The following IPO7 variants were observed in gnomAD, a reference collection of about 807,000 sequenced individuals.
IPO7 encodes the protein importin-7.
In IPO7, 13 loss-of-function variants were observed where a neutral mutation model predicts 136.4. That is an observed-to-expected ratio of 0.10 (90% CI 0.06 to 0.15). The LOEUF is 0.15. Ranked by LOEUF, IPO7 falls within the 10% of genes least tolerant of loss-of-function variation. The probability of loss-of-function intolerance (pLI) is 1.00; values close to 1 mark genes in which losing one functional copy is unlikely to be tolerated. For synonymous variants in IPO7, 403 were observed against 404.4 expected (o/e 1.00, Z 0.04); for missense variants, 857 against 1,240.6 (o/e 0.69, Z 4.65).
intron 3 of IPO7, among the ~76,000 whole-genome samples, chr11:9,409,087 T>TG (rs1854931243): frequency 6.6e-6 from 1 of 151,194 alleles, no homozygotes; most frequent in South Asian, 2.1e-4. Flanking sequence ...ACCCAACAGA[T>TG]GCTGTTGTAG....
At chr11:9,405,936 C>T (rs144938009) in intron 2 of IPO7, among the ~76,000 whole-genome samples, 24 of 151,468 alleles carry the variant, frequency 1.6e-4, no homozygotes, top group East Asian at 1.2e-3. Context: ...TTGCCCAGGC[C>T]GGGGTGCAGT....
chr11:9,447,405 T>C lies in IPO7; in HGVS notation c.*2211T>C, dbSNP rs958353521. 1.3e-5 allele frequency: 2 copies of C among 152,200 alleles called. No individual in the cohort carries two copies. Among genetic ancestry groups the C allele is most frequent in the Admixed American group, 1.3e-4 (2 of 15,276 alleles). 9.4% of individuals were successfully genotyped at this position (152,200 alleles called of 1,614,324 possible). ...AGACCTTATAATTAAACTATTTAAA[T>C]AGTGTTCAAATGATAGTTTCTAATG... is the stretch of plus-strand genomic sequence containing the variant. On this transcript the variant is annotated 3_prime_UTR_variant, in exon 25 of 25. Transcript: ENST00000379719.
At chr11:9,401,142 T>C (rs866082052) in intron 1 of IPO7, among the ~76,000 whole-genome samples, 1 of 151,220 alleles carries the variant, frequency 6.6e-6, no homozygotes, top group African/African-American at 2.4e-5. Flanking sequence ...GATTGCACCA[T>C]TGCACTCCAG....
At chr11:9,444,121 C>A (rs1855495300) in intron 24 of IPO7, among the ~76,000 whole-genome samples, 1 of 150,828 alleles carries the variant, frequency 6.6e-6, no homozygotes, top group African/African-American at 2.4e-5. Flanking sequence ...TACTAAAAAA[C>A]ACAAAAATTA....
At chr11:9,433,478 T>C in intron 16 of IPO7, 92 bp from the exon 17 acceptor site, 4 of 792,048 alleles carry the variant, frequency 5.1e-6, no homozygotes, top group South Asian at 4.7e-5. Context: ...ATATTGACTT[T>C]ATATTTAAGT....
rs1288731763 is a variant in IPO7, at chr11:9,428,590, C to G, written c.1386C>G (p.Phe462Leu). The G allele has an allele frequency of 1.9e-6, 3 of 1,581,100 alleles. No homozygotes were observed. In the Admixed American group the frequency reaches 5.2e-5, roughly 27 times the overall value. Residue 462 changes from phenylalanine to leucine, a missense_variant, in exon 13 of 25, where the codon TTC becomes TTG. Transcript: ENST00000379719. ...AATACATGTTGCAGAATCATGTATTCCCTCTCTTCAGCAGTGAACTAGGCT... is the reference window on the plus strand; with the variant it reads ...AATACATGTTGCAGAATCATGTATTGCCTCTCTTCAGCAGTGAACTAGGCT... ...QMEYMLQNHV[F>L]PLFSSELGYM... is the part of the protein sequence containing the mutation.
chr11:9,437,561 A>G (rs1354937058), intron 20 of IPO7, among the ~76,000 whole-genome samples, 193 bp from the exon 21 acceptor site: 1 of 152,162 alleles, frequency 6.6e-6, no homozygotes, highest in Non-Finnish European at 1.5e-5. Context: ...GCCCGTCGTG[A>G]GCTTTTAATA....
At chr11:9,442,772 C>T (rs996301804) in intron 24 of IPO7, among the ~76,000 whole-genome samples, 6 of 151,506 alleles carry the variant, frequency 4.0e-5, no homozygotes, top group African/African-American at 1.5e-4. Context: ...CCTGTAATTC[C>T]AGCACTTTGG....
chr11:9,390,347 A>G (rs533466821), intron 1 of IPO7, among the ~76,000 whole-genome samples: 1 of 152,068 alleles, frequency 6.6e-6, no homozygotes, highest in African/African-American at 2.4e-5. Context: ...GATTGTCACA[A>G]AAGGTTAACT....
chr11:9,416,680 A>T (rs1855046385), intron 5 of IPO7, among the ~76,000 whole-genome samples: 1 of 152,222 alleles, frequency 6.6e-6, no homozygotes, highest in South Asian at 2.1e-4. Context: ...GTTAAAATAG[A>T]GACCTGTAAA....
Position 9,403,148 on chromosome 11 carries a change from G to A in IPO7, c.85-142G>A, listed in dbSNP as rs1014405108. 3.3e-5 allele frequency: 22 copies of A among 669,696 alleles called. No individual in the cohort carries two copies. The Admixed American group carries it at 6.1e-4, about 18-fold the overall frequency. 41.5% of individuals were successfully genotyped at this position (669,696 alleles called of 1,614,324 possible). On this transcript the variant is annotated intron_variant, in intron 1 of 24. Coordinates refer to ENST00000379719, the MANE Select transcript of IPO7 (RefSeq NM_006391.3). ...ATTCCTTAAAGTTCAATATAAGGGAGTGATGAGAAATAAGACTGGAACCAG... is the reference window on the plus strand; with the variant it reads ...ATTCCTTAAAGTTCAATATAAGGGAATGATGAGAAATAAGACTGGAACCAG...
Position 9,414,482 on chromosome 11 carries a change from G to T in IPO7, c.636+71G>T. On this transcript the variant is annotated intron_variant, in intron 5 of 24. Transcript: ENST00000379719. ...ATTTACCGTGTTAAAAATTAACAAA[G>T]AATTTCAGCATTTGAATAATAGTTA... 4.0e-6 allele frequency: 4 copies of T among 994,640 alleles called. No individual in the cohort carries two copies. The South Asian group carries it at 7.5e-5, about 19-fold the overall frequency. 61.6% of individuals were successfully genotyped at this position (994,640 alleles called of 1,614,324 possible).
chr11:9,408,217 C>T (rs1454094507), intron 2 of IPO7, among the ~76,000 whole-genome samples: 3 of 151,604 alleles, frequency 2.0e-5, no homozygotes, highest in African/African-American at 7.3e-5. Context: ...AGTGTTGTGA[C>T]GTTAAAAAAA....
rs779172522 is a variant in IPO7, at chr11:9,392,334, C to T, written c.84+7487C>T. 2.5e-4 allele frequency: 70 copies of T among 276,392 alleles called. 1 individual carries two copies. The highest frequency in any genetic ancestry group is 1.7e-3 in the South Asian group (60 of 35,072). 17.1% of individuals were successfully genotyped at this position (276,392 alleles called of 1,614,324 possible). ...CTGGGATTACAGGTATGCATTACCA[C>T]GTCCGGCTAATTTTGTATTTTTAGT... is the stretch of plus-strand genomic sequence containing the variant. On this transcript the variant is annotated intron_variant, in intron 1 of 24. Transcript: ENST00000379719.
At position 9,390,362 on chromosome 11, in the gene IPO7, C is replaced by T. The variant is rs183624739; in HGVS notation, c.84+5515C>T. On this transcript the variant is annotated intron_variant, in intron 1 of 24. Transcript: ENST00000379719. ...GATTGTCACAAAAGGTTAACTATTA[C>T]TGCTGTATGTGATATACCTTACTTA... 2.1e-3 allele frequency among the ~76,000 whole-genome samples: 325 copies of T among 151,676 alleles called. 11 individuals carry two copies. The highest frequency in any genetic ancestry group is 0.021 in the Admixed American group (324 of 15,202).
chr11:9,406,835 T>G (rs990948986), intron 2 of IPO7, among the ~76,000 whole-genome samples: 1 of 152,072 alleles, frequency 6.6e-6, no homozygotes, highest in African/African-American at 2.4e-5. Flanking sequence ...GATTGTGCCA[T>G]TGTACTCCAG....
chr11:9,414,718 C>A, intron 5 of IPO7: 1 of 156,372 alleles, frequency 6.4e-6, no homozygotes, highest in Non-Finnish European at 1.4e-5. Context: ...CTCTGCCTCC[C>A]GGTTTCAAGC....
chr11:9,399,165 G>A (rs1026990186), intron 1 of IPO7, among the ~76,000 whole-genome samples: 2 of 147,930 alleles, frequency 1.4e-5, no homozygotes, highest in Non-Finnish European at 3.0e-5. Context: ...GAAAATGGAT[G>A]CTTTTTTTTT....
intron 1 of IPO7, among the ~76,000 whole-genome samples, chr11:9,391,976 A>G (rs1854639833): frequency 6.6e-6 from 1 of 151,920 alleles, no homozygotes; most frequent in African/African-American, 2.4e-5. Flanking sequence ...TTTGTTGCCC[A>G]GCCTTGACTC....
Sources: gnomAD v4.1 joint callset for allele counts (sites outside exome capture counted in the v4.1 genomes callset) on GRCh38, gnomAD v4.1.1 for gene constraint, MANE v1.5 for transcripts, NCBI Gene and HGNC (gene_info 2026-07-23, HGNC 2026-07-21) for gene names.